The following UBR4 variants were observed in gnomAD, a reference collection of about 807,000 sequenced individuals.
UBR4 encodes E3 ubiquitin-protein ligase UBR4.
A neutral mutation model predicts 575.6 loss-of-function variants in UBR4; 124 were observed. The ratio of observed to expected loss-of-function variants is 0.22; its 90% CI spans 0.19 to 0.25. UBR4 has a LOEUF of 0.25. UBR4 is among the 10% of genes least tolerant of loss of function. The pLI, the probability that UBR4 is intolerant of heterozygous loss-of-function variation, is 1.00. For missense variants in UBR4, 4,818 were observed against 6,478.8 expected, an observed-to-expected ratio of 0.74 and a Z score of 8.80; for synonymous variants, 2,455 against 2,473.7, an observed-to-expected ratio of 0.99 and a Z score of 0.22.
rs543006166 is a variant in UBR4 at position 19,100,322 on chromosome 1, C to T, written c.13221+54G>A. On this transcript the variant is annotated intron_variant, in intron 89 of 105. Coordinates refer to ENST00000375254, the MANE Select transcript of UBR4 (RefSeq NM_020765.3). This position sits in a 1 kb window ranked among gnomAD's most constrained non-coding sequence, Gnocchi z 4.2. ...GAAGAAGCACCTGGATTTGGTTAGC[C>T]TAGGAGGAAGCCCCTAATCGTAAAC... The T allele has an allele frequency of 2.5e-6, 4 of 1,603,414 alleles. No homozygotes were observed. The highest frequency in any genetic ancestry group is 1.7e-6 in the Non-Finnish European group (2 of 1,172,146).
intron 11 of UBR4, 112 bp downstream of exon 11, chr1:19,192,076 C>A: frequency 1.6e-6 from 2 of 1,224,518 alleles, no homozygotes; most frequent in Non-Finnish European, 1.1e-6. Flanking sequence ...TAAATTCAAG[C>A]CAGGTAGGAA....
At chr1:19,081,691 G>T in intron 102 of UBR4, 118 bp from the exon 103 acceptor site, 2 of 1,095,830 alleles carry the variant, frequency 1.8e-6, no homozygotes, top group Non-Finnish European at 2.8e-6. Flanking sequence ...ACGCTTGGAT[G>T]ACTCAACACT....
intron 66 of UBR4, 148 bp downstream of exon 66, chr1:19,122,685 G>A (rs2081302870): frequency 1.2e-6 from 1 of 859,254 alleles, no homozygotes; most frequent in Non-Finnish European, 1.8e-6. Context: ...CCCAGACAGG[G>A]GTTATGGATT....
Position 19,186,650 on chromosome 1 carries a change from A to C in UBR4, c.1640T>G (p.Val547Gly). ...LLSTSYRKAC[V>G]LQRQRKGSMS... ...GGAGCCCTTCCTCTGCCGCTGCAGG[A>C]CACATGCCTAGGAAAATGACAATTA... Residue 547 changes from valine (V) to glycine (G), a missense_variant, in exon 14 of 106, where the codon GTC becomes GGC. This residue lies in a region of UBR4 where 162 missense variants were observed against 216.4 expected (regional missense o/e 0.75). Transcript: ENST00000375254. 6.2e-7 allele frequency: 1 copy of C among 1,613,976 alleles called. No homozygotes were observed. The highest frequency in any genetic ancestry group is 8.5e-7 in the Non-Finnish European group (1 of 1,179,886).
chr1:19,118,139 T>C, intron 71 of UBR4: 1 of 478,510 alleles, frequency 2.1e-6, no homozygotes, highest in South Asian at 2.9e-5. Flanking sequence ...CTTTGATCTA[T>C]CCTTCAGAGG....
At chr1:19,170,341 G>A (rs2089317127) in intron 26 of UBR4, among the ~76,000 whole-genome samples, 1 of 152,246 alleles carries the variant, frequency 6.6e-6, no homozygotes. Context: ...GAAGGCCGCA[G>A]TGAGCTGCGA....
Position 19,110,113 on chromosome 1 carries a change from T to A in UBR4, c.12088A>T (p.Thr4030Ser), listed in dbSNP as rs747514323. The A allele has an allele frequency of 6.2e-6, 10 of 1,614,028 alleles. No homozygotes were observed. The African/African-American group carries it at 1.3e-4, about 22-fold the overall frequency. Residue 4030 changes from threonine to serine, a missense_variant, in exon 81 of 106, where the codon ACT (threonine) becomes TCT (serine). By Grantham distance (58) the Thr-to-Ser change is moderately conservative. Coordinates refer to ENST00000375254, the MANE Select transcript of UBR4 (RefSeq NM_020765.3). The surrounding 1 kb of genome is among the most constrained non-coding windows in gnomAD (Gnocchi z 4.5). ...CCCAGTACCTTGTTCTTCTTGCTAG[T>A]GGGAGCAGGTGGTTTTATCAGCTTC... ...LQKLIKPPAP[T>S]SKKNKDVPVE... is the part of the protein sequence containing the mutation.
At chr1:19,198,151 T>C (rs1024592406) in intron 5 of UBR4, 102 bp from the exon 6 acceptor site, 1 of 1,151,530 alleles carries the variant, frequency 8.7e-7, no homozygotes, top group Admixed American at 2.2e-5. Context: ...GACTCCCCAG[T>C]TAGTGAAGGG....
At chr1:19,159,379 A>G (rs1156338929) in intron 39 of UBR4, among the ~76,000 whole-genome samples, 1 of 152,212 alleles carries the variant, frequency 6.6e-6, no homozygotes, top group African/African-American at 2.4e-5. Flanking sequence ...AAAGTTATCT[A>G]AAGGACTATA....
chr1:19,121,799 C>A, intron 67 of UBR4, 135 bp downstream of exon 67: 1 of 1,102,274 alleles, frequency 9.1e-7, no homozygotes, highest in Non-Finnish European at 1.3e-6. Context: ...GTCTTCTTTG[C>A]TAGACAGAGT....
chr1:19,095,745 C>T (rs2077972621), intron 92 of UBR4, 93 bp from the exon 93 acceptor site: 2 of 1,143,932 alleles, frequency 1.7e-6, no homozygotes, highest in Non-Finnish European at 2.6e-6. Flanking sequence ...AGGGTCTACA[C>T]CATCAGCAGG....
intron 13 of UBR4, 101 bp downstream of exon 13, chr1:19,187,063 T>A (rs2091598802): frequency 1.1e-6 from 1 of 902,318 alleles, no homozygotes. Flanking sequence ...GTCTTATTCA[T>A]TTCAAGAAAG....
intron 101 of UBR4, among the ~76,000 whole-genome samples, chr1:19,085,339 T>C (rs1431799508): frequency 6.6e-6 from 1 of 152,170 alleles, no homozygotes; most frequent in Non-Finnish European, 1.5e-5. Flanking sequence ...CTGGCCAACA[T>C]GGCAAAACCC....
At chr1:19,120,119 C>G in intron 69 of UBR4, 61 bp downstream of exon 69, 1 of 1,573,730 alleles carries the variant, frequency 6.4e-7, no homozygotes. Context: ...CAAAATAGAA[C>G]TGCATTACGC....
Position 19,141,749 on chromosome 1 carries a change from A to G in UBR4, c.8208T>C (p.Asp2736=), listed in dbSNP as rs995980890. Residue 2736 remains aspartate, a synonymous_variant, in exon 56 of 106, where the codon GAT becomes GAC. Coordinates refer to ENST00000375254, the MANE Select transcript of UBR4 (RefSeq NM_020765.3). ...CTGATGACTGCATTTTCTCATCTGC[A>G]TCATCATCGTCATCATCATCCTTGT... ...MGDKDDDDDD[D]ADEKMQSSGI... 17 of 1,614,088 alleles carry G rather than the reference A, an allele frequency of 1.1e-5. No individual in the cohort carries two copies. In the African/African-American group the frequency reaches 1.7e-4, roughly 16 times the overall value.
In UBR4 at chr1:19,172,972, T is replaced by C. The variant is rs768090202; in HGVS notation, c.3413A>G (p.His1138Arg). 5.0e-6 allele frequency: 8 copies of C among 1,614,010 alleles called. No individual in the cohort carries two copies. The African/African-American group carries it at 8.0e-5, about 16-fold the overall frequency. ...AGTCTCAGCAGCCATCTTAGAAAAA[T>C]GCTCATCCAAAGAGACCTGGACCTT... is the stretch of plus-strand genomic sequence containing the variant. Reference protein sequence around the residue: ...ISKVQVSLDEHFSKMAAETDP... With the variant: ...ISKVQVSLDERFSKMAAETDP... The change falls in exon 25 of 106, where the codon CAT becomes CGT. Residue 1138 changes from histidine to arginine, a missense_variant. By Grantham distance (29) the His-to-Arg change is conservative. Around this residue, in one of 29 missense-constraint regions of UBR4, gnomAD observed 1,172 missense variants for 1,259.7 expected, o/e 0.93. Transcript: ENST00000375254.
intron 34 of UBR4, 84 bp downstream of exon 34, chr1:19,163,680 T>C (rs2087781324): frequency 1.4e-5 from 20 of 1,433,118 alleles, no homozygotes; most frequent in Admixed American, 6.7e-5. Context: ...CAGAACTCAA[T>C]AGGAACGAGA....
intron 1 of UBR4, 85 bp downstream of exon 1, chr1:19,209,988 C>A: frequency 1.4e-6 from 2 of 1,399,084 alleles, no homozygotes; most frequent in Non-Finnish European, 1.9e-6. Flanking sequence ...GGGCAGGGGG[C>A]GGCCCGGAAA....
intron 64 of UBR4, among the ~76,000 whole-genome samples, 172 bp downstream of exon 64, chr1:19,126,274 T>C (rs1022677230): frequency 2.0e-5 from 3 of 152,056 alleles, no homozygotes; most frequent in African/African-American, 7.2e-5. Flanking sequence ...CCACAGAAGG[T>C]TGGGAGAAGT....
Sources: gnomAD v4.1 joint callset for allele counts (sites outside exome capture counted in the v4.1 genomes callset) on GRCh38, gnomAD v4.1.1 for gene constraint, gnomAD v4.1.1 regional missense constraint, Gnocchi (gnomAD v3.1) non-coding constraint, MANE v1.5 for transcripts, NCBI Gene and HGNC (gene_info 2026-07-23, HGNC 2026-07-21) for gene names.